Variants in POFUT2 observed in about 807,000 individuals in gnomAD.
The protein encoded by POFUT2 is GDP-fucose protein O-fucosyltransferase 2.
Under a neutral mutation model 55.0 loss-of-function variants are expected in POFUT2, and 30 were observed. That is an observed-to-expected ratio of 0.55 (90% CI 0.41 to 0.74). POFUT2 has a LOEUF of 0.74. Among genes scored for constraint, POFUT2 ranks in the 30% least tolerant of loss-of-function variants. The probability of loss-of-function intolerance (pLI) is 0.00; values close to 1 mark genes in which losing one functional copy is unlikely to be tolerated. For missense variants in POFUT2, 524 were observed against 562.6 expected, an observed-to-expected ratio of 0.93 and a Z score of 0.69; for synonymous variants, 267 against 231.1, an observed-to-expected ratio of 1.16 and a Z score of -1.41.
Position 45,282,789 on chromosome 21 carries a change from T to G in POFUT2, c.528-330A>C. On this transcript the variant is annotated intron_variant, in intron 3 of 8. Coordinates refer to ENST00000349485, the MANE Select transcript of POFUT2 (RefSeq NM_133635.6). The surrounding 1 kb of genome is among the most constrained non-coding windows in gnomAD (Gnocchi z 4.6). ...ACCGTCAGCCAAGTCAACCGCGCCC[T>G]TCCCAAGAGCTCACCTGCCATGCTT... The G allele has an allele frequency of 4.0e-6, 2 of 500,240 alleles. No individual in the cohort carries two copies. 31.0% of individuals were successfully genotyped at this position (500,240 alleles called of 1,614,324 possible). A position where few individuals can be genotyped will look rare whatever the true frequency, so the allele number is the denominator to read the frequency against.
Position 45,270,447 on chromosome 21 carries a change from G to A in POFUT2, c.832-428C>T, listed in dbSNP as rs956178630. Among the ~76,000 whole-genome samples the A allele has an allele frequency of 4.6e-5, 7 of 152,160 alleles. No homozygotes were observed. Among genetic ancestry groups the A allele is most frequent in the African/African-American group, 1.2e-4 (5 of 41,442 alleles). On this transcript the variant is annotated intron_variant, in intron 6 of 8. Coordinates refer to ENST00000349485, the MANE Select transcript of POFUT2 (RefSeq NM_133635.6). The surrounding 1 kb of genome is among the most constrained non-coding windows in gnomAD (Gnocchi z 4.6). The stretch of plus-strand genomic sequence containing the variant: ...CACCTCCTGGCTGGAGGCCACCAAC[G>A]CAAATGGCTACAGCAAATTCTAACC...
Position 45,277,059 on chromosome 21 carries a change from G to A in POFUT2, c.789C>T (p.Asp263=), listed in dbSNP as rs149018079. The A allele has an allele frequency of 1.9e-5, 30 of 1,614,102 alleles. No homozygotes were observed. The highest frequency in any genetic ancestry group is 1.1e-4 in the East Asian group (5 of 44,884). ...CCTCCTGGAAGGGGATCCTGTCTGC[G>A]TCGTCCGTGGAGTTGAGATGTCTGC... ...FRSRHLNSTD[D]ADRIPFQEDW... Residue 263 remains aspartate (D), a synonymous_variant, in exon 6 of 9, where the codon GAC becomes GAT. Transcript: ENST00000349485. The surrounding 1 kb of genome is among the most constrained non-coding windows in gnomAD (Gnocchi z 6.9).
chr21:45,280,693 GT>G (rs1475784141), intron 4 of POFUT2, among the ~76,000 whole-genome samples: 1 of 147,096 alleles, frequency 6.8e-6, no homozygotes, highest in Non-Finnish European at 1.5e-5. Context: ...CACTCGCTGA[GT>G]TTCGTCTCAA....
At position 45,267,279 on chromosome 21, in the gene POFUT2, C is replaced by T; in HGVS notation, c.1136+311G>A. ...GGCAACTCTCAGGGCAGGGGGCAGA[C>T]AGGGGCAGAAACCGGGAATGATGGG... On this transcript the variant is annotated intron_variant, in intron 8 of 8. Transcript: ENST00000349485. This position sits in a 1 kb window ranked among gnomAD's most constrained non-coding sequence, Gnocchi z 4.4. The T allele has an allele frequency of 6.9e-7, 1 of 1,446,116 alleles. No individual in the cohort carries two copies. The highest frequency in any genetic ancestry group is 9.0e-7 in the Non-Finnish European group (1 of 1,105,878). The allele number at this position is 1,446,116 out of a possible 1,614,324, so 89.6% of individuals were successfully genotyped here. A position where few individuals can be genotyped will look rare whatever the true frequency, so the allele number is the denominator to read the frequency against.
rs766950189 is a variant in POFUT2 at position 45,283,551 on chromosome 21, G to A, written c.383-24C>T. Reference sequence around the variant, plus strand: ...TTCTGAAAGACACCAAGAAAAGCCAGGCAGTGTGACAGCGATCAGAAGCTC... The same window carrying A: ...TTCTGAAAGACACCAAGAAAAGCCAAGCAGTGTGACAGCGATCAGAAGCTC... On this transcript the variant is annotated intron_variant, in intron 2 of 8. Transcript: ENST00000349485. The A allele has an allele frequency of 1.9e-5, 30 of 1,612,760 alleles. 1 individual carries two copies. The South Asian group carries it at 3.3e-4, about 18-fold the overall frequency.
intron 1 of POFUT2, among the ~76,000 whole-genome samples, chr21:45,287,190 G>T (rs1321715324): frequency 1.5e-4 from 6 of 39,476 alleles, no homozygotes; most frequent in African/African-American, 2.1e-4. Context: ...ACTCCAGCCC[G>T]GCCCCGGCCC....
Position 45,277,792 on chromosome 21 carries a change from A to AG in POFUT2, c.705+310dup, listed in dbSNP as rs1408892335. The AG allele has an allele frequency of 2.4e-6, 1 of 424,034 alleles. No homozygotes were observed. The highest frequency in any genetic ancestry group is 4.3e-6 in the Non-Finnish European group (1 of 234,420). The allele number at this position is 424,034 out of a possible 1,614,324, so 26.3% of individuals were successfully genotyped here. A position where few individuals can be genotyped will look rare whatever the true frequency, so the allele number is the denominator to read the frequency against. On this transcript the variant is annotated intron_variant, in intron 5 of 8. Coordinates refer to ENST00000349485, the MANE Select transcript of POFUT2 (RefSeq NM_133635.6). This position sits in a 1 kb window ranked among gnomAD's most constrained non-coding sequence, Gnocchi z 6.9. ...TTCAAAGCTAAAGAGAGGAGAAAGGAGGGGTCTACGTTCCAGCCACTGACG... is the reference window on the plus strand; with the variant it reads ...TTCAAAGCTAAAGAGAGGAGAAAGGAGGGGGTCTACGTTCCAGCCACTGACG...
At chr21:45,283,337 G>GGGGGGGGGGGGC in intron 3 of POFUT2, 46 bp downstream of exon 3, 1 of 1,274,196 alleles carries the variant, frequency 7.8e-7, no homozygotes, top group South Asian at 1.3e-5. Context: ...GCGGCAGGGG[G>GGGGGGGGGGGGC]AGGTGGGGGG....
At chr21:45,268,813 G>C (rs1389575039) in intron 7 of POFUT2, among the ~76,000 whole-genome samples, 2 of 146,730 alleles carry the variant, frequency 1.4e-5, no homozygotes, top group Non-Finnish European at 3.0e-5. Context: ...GAGGGAGGTG[G>C]GGGGGTCAGC....
At position 45,269,643 on chromosome 21, in the gene POFUT2, A is replaced by G. The variant is rs529253448; in HGVS notation, c.1012+196T>C. On this transcript the variant is annotated intron_variant, in intron 7 of 8. Transcript: ENST00000349485. ...CTAATCTCAAGTAATCAGGGACACA[A>G]ACACTGCGGAAGGCCGCAGGGTCCT... Among the ~76,000 whole-genome samples, 20 of 152,048 alleles carry G rather than the reference A, an allele frequency of 1.3e-4. No individual in the cohort carries two copies. In the South Asian group the frequency reaches 2.1e-3, roughly 16 times the overall value.
chr21:45,286,817 C>T (rs73236082), intron 1 of POFUT2, among the ~76,000 whole-genome samples: 2,724 of 152,348 alleles, frequency 0.018, 38 homozygotes, highest in Middle Eastern at 0.031. Flanking sequence ...GGCCTGCGAA[C>T]GCCACGAGGG....
At chr21:45,266,910 T>G (rs1444120999) in intron 8 of POFUT2, 2 of 1,020,008 alleles carry the variant, frequency 2.0e-6, no homozygotes, top group East Asian at 9.9e-5. Context: ...AGCCTTCATC[T>G]CCTATGCAGA....
intron 6 of POFUT2, among the ~76,000 whole-genome samples, chr21:45,274,961 T>C (rs902890607): frequency 2.0e-5 from 3 of 152,308 alleles, no homozygotes; most frequent in African/African-American, 7.2e-5. Context: ...AAAAAGCTTC[T>C]GCACGGCAAA....
Position 45,282,461 on chromosome 21 carries a change from T to C in POFUT2, c.528-2A>G. 2 of 1,578,298 alleles carry C rather than the reference T, an allele frequency of 1.3e-6. No individual in the cohort carries two copies. The highest frequency in any genetic ancestry group is 1.7e-6 in the Non-Finnish European group (2 of 1,147,944). The stretch of plus-strand genomic sequence containing the variant: ...TCCTCATAACCCCAAAACCATCCTC[T>C]GGAAAACAAAACCCACAGCAGCTCT... On this transcript the variant is annotated splice_acceptor_variant, in intron 3 of 8. Coordinates refer to ENST00000349485, the MANE Select transcript of POFUT2 (RefSeq NM_133635.6). LOFTEE classifies it high-confidence loss of function. The surrounding 1 kb of genome is among the most constrained non-coding windows in gnomAD (Gnocchi z 4.6).
chr21:45,283,391 C>T lies in POFUT2; in HGVS notation c.519G>A (p.Glu173=). Residue 173 remains glutamate, a synonymous_variant, in exon 3 of 9, where the codon GAG becomes GAA. Transcript: ENST00000349485. ...DQLLYSQDKH[E]YYRGWFWGYE... ...GCAGCCTCAGCAGGCACCTGTAGTA[C>T]TCGTGCTTGTCCTGGGAGTACAGGA... is the stretch of plus-strand genomic sequence containing the variant. 1 of 1,604,940 alleles carries T rather than the reference C, an allele frequency of 6.2e-7. No homozygotes were observed. Among genetic ancestry groups the T allele is most frequent in the Non-Finnish European group, 8.5e-7 (1 of 1,176,426 alleles).
rs764960710 is a variant in POFUT2, at chr21:45,277,152, C to G, written c.706-10G>C. Reference sequence around the variant, plus strand: ...CCATGCTGCGACGGGTCTGTGGAAACGGCGACGGCTCGGCTGAGAACACGC... The same window carrying G: ...CCATGCTGCGACGGGTCTGTGGAAAGGGCGACGGCTCGGCTGAGAACACGC... On this transcript the variant is annotated splice_polypyrimidine_tract_variant and intron_variant, in intron 5 of 8. Transcript: ENST00000349485. This position sits in a 1 kb window ranked among gnomAD's most constrained non-coding sequence, Gnocchi z 6.9. 2 of 1,611,418 alleles carry G rather than the reference C, an allele frequency of 1.2e-6. No homozygotes were observed. The highest frequency in any genetic ancestry group is 1.7e-6 in the Non-Finnish European group (2 of 1,179,502).
intron 3 of POFUT2, 42 bp downstream of exon 3, chr21:45,283,341 T>TGG: frequency 1.4e-6 from 1 of 701,548 alleles, no homozygotes; most frequent in African/African-American, 4.4e-5. Flanking sequence ...CAGGGGGAGG[T>TGG]GGGGGGGCAC....
In POFUT2 at chr21:45,265,959, C is replaced by A; in HGVS notation, c.1137-324G>T. On this transcript the variant is annotated intron_variant, in intron 8 of 8. Coordinates refer to ENST00000349485, the MANE Select transcript of POFUT2 (RefSeq NM_133635.6). The surrounding 1 kb of genome is among the most constrained non-coding windows in gnomAD (Gnocchi z 4.6). ...CCGTCACCAAATCCCAGGCCAGGCA[C>A]GCCAGTGCAGGTCGAATACCTCCTG... is the stretch of plus-strand genomic sequence containing the variant. 1.6e-6 allele frequency: 2 copies of A among 1,248,612 alleles called. No homozygotes were observed. The highest frequency in any genetic ancestry group is 2.0e-6 in the Non-Finnish European group (2 of 979,466). 77.3% of individuals were successfully genotyped at this position (1,248,612 alleles called of 1,614,324 possible).
intron 4 of POFUT2, among the ~76,000 whole-genome samples, chr21:45,280,629 C>G (rs920276405): frequency 1.3e-5 from 2 of 152,224 alleles, no homozygotes; most frequent in African/African-American, 4.8e-5. Flanking sequence ...GTCCTTACTC[C>G]TGAATCGCAT....
Sources: gnomAD v4.1 joint callset for allele counts (sites outside exome capture counted in the v4.1 genomes callset) on GRCh38, gnomAD v4.1.1 for gene constraint, Gnocchi (gnomAD v3.1) non-coding constraint, MANE v1.5 for transcripts, NCBI Gene and HGNC (gene_info 2026-07-23, HGNC 2026-07-21) for gene names.